Variants in CHRM5 observed in about 807,000 individuals in gnomAD.
The protein encoded by CHRM5 is muscarinic acetylcholine receptor M5.
Under a neutral mutation model 39.0 loss-of-function variants are expected in CHRM5, and 18 were observed. The observed-to-expected ratio is 0.46, with a 90% confidence interval of 0.32 to 0.68. CHRM5 has a LOEUF of 0.68. Among genes scored for constraint, CHRM5 ranks in the 30% least tolerant of loss-of-function variants. The pLI is 0.04. For missense variants in CHRM5, 515 were observed against 651.1 expected (o/e 0.79, Z 2.28); for synonymous variants, 241 against 246.3 (o/e 0.98, Z 0.20).
chr15:33,994,674 C>G (rs1896861434), intron 1 of CHRM5, among the ~76,000 whole-genome samples: 1 of 152,168 alleles, frequency 6.6e-6, no homozygotes, highest in South Asian at 2.1e-4. Flanking sequence ...CATATACATA[C>G]AGTGTGTGTG....
intron 1 of CHRM5, among the ~76,000 whole-genome samples, chr15:33,976,554 C>G (rs1010588601): frequency 6.6e-6 from 1 of 152,140 alleles, no homozygotes; most frequent in African/African-American, 2.4e-5. Flanking sequence ...CAGTAGACAA[C>G]ACACTTTTAT....
chr15:34,055,024 C>T (rs2140834123), intron 2 of CHRM5, among the ~76,000 whole-genome samples: 1 of 151,992 alleles, frequency 6.6e-6, no homozygotes, highest in East Asian at 1.9e-4. Flanking sequence ...GAAACCCCAT[C>T]TCTACTAAAA....
intron 1 of CHRM5, chr15:34,007,039 G>C: frequency 1.0e-6 from 1 of 982,748 alleles, no homozygotes; most frequent in Non-Finnish European, 1.2e-6. Flanking sequence ...CACTGTAATA[G>C]TTCATACCTG....
intron 1 of CHRM5, among the ~76,000 whole-genome samples, chr15:33,983,140 G>GTGTGTGTGTGTGTGTA (rs1555512720): frequency 4.8e-4 from 57 of 118,380 alleles, no homozygotes; most frequent in African/African-American, 2.4e-3. Context: ...GTGTGTGTGT[G>GTGTGTGTGTGTGTGTA]TGTGTGTGTG....
Position 33,968,859 on chromosome 15 carries a change from A to G in CHRM5, c.-699A>G, listed in dbSNP as rs572918743. 1 of 152,210 alleles carries G rather than the reference A, an allele frequency of 6.6e-6. No homozygotes were observed. Among genetic ancestry groups the G allele is most frequent in the African/African-American group, 2.4e-5 (1 of 41,554 alleles). The allele number at this position is 152,210 out of a possible 1,614,324, so 9.4% of individuals were successfully genotyped here. A position where few individuals can be genotyped will look rare whatever the true frequency, so the allele number is the denominator to read the frequency against. The stretch of plus-strand genomic sequence containing the variant: ...TGCTGAAGCATTCAATGAATCTTTA[A>G]TAAGTTCTCAACACTCAGATTGTTT... On this transcript the variant is annotated 5_prime_UTR_variant, in exon 1 of 3. An upstream open reading frame in the 5' UTR loses its in-frame stop. Coordinates refer to ENST00000383263, the MANE Select transcript of CHRM5 (RefSeq NM_012125.4).
intron 1 of CHRM5, among the ~76,000 whole-genome samples, chr15:34,014,244 AC>A (rs1897766896): frequency 6.6e-6 from 1 of 151,718 alleles, no homozygotes; most frequent in African/African-American, 2.4e-5. Flanking sequence ...CGCACCTGTA[AC>A]CCCAGCTACT....
chr15:34,016,941 C>T (rs910318347), intron 1 of CHRM5, among the ~76,000 whole-genome samples: 4 of 152,044 alleles, frequency 2.6e-5, no homozygotes, highest in African/African-American at 9.7e-5. Flanking sequence ...TCAGCCCGGA[C>T]AACATGGCAA....
chr15:34,041,766 A>G (rs1899484517), intron 1 of CHRM5, among the ~76,000 whole-genome samples: 1 of 152,222 alleles, frequency 6.6e-6, no homozygotes, highest in Non-Finnish European at 1.5e-5. Flanking sequence ...AAACACTATT[A>G]TTATTCCTAT....
chr15:34,008,563 G>A (rs542216043), intron 1 of CHRM5, among the ~76,000 whole-genome samples: 6 of 141,928 alleles, frequency 4.2e-5, no homozygotes, highest in East Asian at 2.1e-4. Flanking sequence ...ATCTCGGCTC[G>A]CTGCAACCTC....
intron 1 of CHRM5, among the ~76,000 whole-genome samples, chr15:33,974,802 G>T (rs563792121): frequency 6.6e-6 from 1 of 152,002 alleles, no homozygotes; most frequent in Non-Finnish European, 1.5e-5. Context: ...TTGAAACCCC[G>T]TTTCTAATAA....
chr15:33,980,717 C>T (rs1230123787), intron 1 of CHRM5, among the ~76,000 whole-genome samples: 6 of 152,134 alleles, frequency 3.9e-5, no homozygotes, highest in African/African-American at 1.4e-4. Context: ...ATTATCTGTA[C>T]ACGGAGAACC....
chr15:34,034,708 T>A (rs1218509699), intron 1 of CHRM5, among the ~76,000 whole-genome samples: 5 of 152,158 alleles, frequency 3.3e-5, no homozygotes, highest in Non-Finnish European at 7.4e-5. Flanking sequence ...AAAAGCAACT[T>A]AAAAACAGAA....
intron 1 of CHRM5, among the ~76,000 whole-genome samples, chr15:34,001,364 C>CT (rs908279987): frequency 3.3e-5 from 5 of 152,046 alleles, no homozygotes; most frequent in South Asian, 2.1e-4. Flanking sequence ...TATGAAGTAT[C>CT]TTTTTTTTGA....
intron 2 of CHRM5, among the ~76,000 whole-genome samples, chr15:34,054,084 A>G (rs1015316278): frequency 2.6e-5 from 4 of 152,202 alleles, no homozygotes; most frequent in African/African-American, 7.2e-5. Context: ...AAAAAACTCA[A>G]CATCACTGAT....
intron 1 of CHRM5, among the ~76,000 whole-genome samples, chr15:34,004,283 C>A (rs530892780): frequency 1.3e-5 from 2 of 152,252 alleles, no homozygotes; most frequent in African/African-American, 2.4e-5. Context: ...CAGTATTGGG[C>A]ACTGAAAGGT....
At chr15:34,028,922 G>A (rs1597369462) in intron 1 of CHRM5, among the ~76,000 whole-genome samples, 1 of 151,938 alleles carries the variant, frequency 6.6e-6, no homozygotes, top group East Asian at 1.9e-4. Flanking sequence ...GGGAGAGAAA[G>A]TAAGGCAAAA....
chr15:34,043,008 G>A (rs1363653976), intron 1 of CHRM5, among the ~76,000 whole-genome samples: 5 of 152,032 alleles, frequency 3.3e-5, no homozygotes. Context: ...AGCACTTTGG[G>A]AGGCCGAGGT....
rs140296752 is a variant in CHRM5, at chr15:34,014,690, C to T, written c.-407-31850C>T. Among the ~76,000 whole-genome samples the T allele has an allele frequency of 2.0e-3, 298 of 152,296 alleles. 1 individual carries two copies. Among genetic ancestry groups the T allele is most frequent in the African/African-American group, 6.7e-3 (278 of 41,560 alleles). Reference sequence around the variant, plus strand: ...CCCAAAACAAACAACAGGCACTCAACTGGAAAGTTCAGCGGGCCCATCTGG... The same window carrying T: ...CCCAAAACAAACAACAGGCACTCAATTGGAAAGTTCAGCGGGCCCATCTGG... On this transcript the variant is annotated intron_variant, in intron 1 of 2. Transcript: ENST00000383263.
intron 2 of CHRM5, among the ~76,000 whole-genome samples, chr15:34,055,087 G>A (rs760941158): frequency 2.5e-4 from 38 of 151,936 alleles, no homozygotes; most frequent in Middle Eastern, 3.4e-3. Context: ...AGCTACTCAG[G>A]AGGCTGAGGC....
Sources: gnomAD v4.1 joint callset for allele counts (sites outside exome capture counted in the v4.1 genomes callset) on GRCh38, gnomAD v4.1.1 for gene constraint, MANE v1.5 for transcripts, NCBI Gene and HGNC (gene_info 2026-07-23, HGNC 2026-07-21) for gene names.